The following IYD variants were observed in gnomAD, a reference collection of about 807,000 sequenced individuals.
IYD encodes iodotyrosine deiodinase 1.
IYD carries 25 observed loss-of-function variants against 28.4 expected under a neutral mutation model. The observed-to-expected ratio is 0.88, with a 90% CI of 0.64 to 1.23. The LOEUF (loss-of-function observed/expected upper bound fraction) is 1.23. Ranked by LOEUF, IYD falls within the 50% of genes most tolerant of loss-of-function variation. The pLI, the probability that IYD is intolerant of heterozygous loss-of-function variation, is 0.00. For synonymous variants in IYD, 140 were observed against 130.8 expected, an observed-to-expected ratio of 1.07 and a Z score of -0.48; for missense variants, 352 against 357.9, an observed-to-expected ratio of 0.98 and a Z score of 0.13.
At position 150,399,790 on chromosome 6, in the gene IYD, G is replaced by T. The variant is rs1256258019; in HGVS notation, c.*1553G>T. The T allele has an allele frequency of 6.6e-6, 1 of 152,164 alleles. No homozygotes were observed. Among genetic ancestry groups the T allele is most frequent in the Non-Finnish European group, 1.5e-5 (1 of 68,072 alleles). 9.4% of individuals were successfully genotyped at this position (152,164 alleles called of 1,614,324 possible). On this transcript the variant is annotated 3_prime_UTR_variant, in exon 5 of 5. Coordinates refer to ENST00000344419, the MANE Select transcript of IYD (RefSeq NM_203395.3). Reference sequence around the variant, plus strand: ...GACTTCTTATTGTGTCCTCGTGGTAGAAAGAGGGTTAGAGCCTCTGGCATG... The same window carrying T: ...GACTTCTTATTGTGTCCTCGTGGTATAAAGAGGGTTAGAGCCTCTGGCATG...
rs370025417 is a variant in IYD, at chr6:150,395,530, G to A, written c.687+1275G>A. The stretch of plus-strand genomic sequence containing the variant: ...GATTGAGGGTCCTGGAAGAAGCAGC[G>A]AAGCCTGCAGCAAGCTCAGCTCACA... On this transcript the variant is annotated intron_variant, in intron 4 of 4. Transcript: ENST00000344419. 107 of 1,537,318 alleles carry A rather than the reference G, an allele frequency of 7.0e-5. No individual in the cohort carries two copies. The African/African-American group carries it at 1.3e-3, about 18-fold the overall frequency.
At position 150,369,225 on chromosome 6, in the gene IYD, A is replaced by T; in HGVS notation, c.178+16A>T. On this transcript the variant is annotated intron_variant, in intron 1 of 4. Transcript: ENST00000344419. ...GCAGAAGAAGGTAAAGACACCAGCT[A>T]TGCTGCTTAGCTTCGCTGTCGTGTT... is the stretch of plus-strand genomic sequence containing the variant. 1.3e-5 allele frequency: 21 copies of T among 1,609,926 alleles called. No homozygotes were observed. The highest frequency in any genetic ancestry group is 1.4e-5 in the Non-Finnish European group (16 of 1,179,196).
chr6:150,373,413 C>T (rs1316049320), intron 1 of IYD, among the ~76,000 whole-genome samples: 1 of 152,164 alleles, frequency 6.6e-6, no homozygotes, highest in African/African-American at 2.4e-5. Flanking sequence ...GGGGTGCACT[C>T]ACTCCAGGGC....
intron 4 of IYD, among the ~76,000 whole-genome samples, chr6:150,394,959 C>T (rs997431180): frequency 1.3e-5 from 2 of 152,186 alleles, no homozygotes; most frequent in African/African-American, 4.8e-5. Context: ...TCCTGAATAG[C>T]TGGGACTATA....
chr6:150,373,246 A>G (rs1046198994), intron 1 of IYD, among the ~76,000 whole-genome samples: 1 of 152,234 alleles, frequency 6.6e-6, no homozygotes, highest in African/African-American at 2.4e-5. Context: ...ATGTTCCTAC[A>G]AACTTGAGAA....
Position 150,398,259 on chromosome 6 carries a change from G to T in IYD, c.*22G>T. The T allele has an allele frequency of 1.2e-6, 2 of 1,612,474 alleles. No homozygotes were observed. Among genetic ancestry groups the T allele is most frequent in the South Asian group, 1.1e-5 (1 of 91,038 alleles). On this transcript the variant is annotated 3_prime_UTR_variant, in exon 5 of 5. Transcript: ENST00000344419. ...GTAGGCAGGGCCCCCCAAGGGAGTG[G>T]CAGGGAGATGGCGCCCCTGCTTTTC...
chr6:150,379,570 ATTTGC>A (rs1181361381), intron 1 of IYD, among the ~76,000 whole-genome samples: 1 of 152,216 alleles, frequency 6.6e-6, no homozygotes, highest in East Asian at 1.9e-4. Flanking sequence ...GCATACATAC[ATTTGC>A]TGCTTTGTTT....
chr6:150,395,846 C>A, intron 4 of IYD: 1 of 594,100 alleles, frequency 1.7e-6, no homozygotes, highest in East Asian at 2.8e-5. Flanking sequence ...CTACTCATTG[C>A]TTTTACTTAG....
intron 3 of IYD, among the ~76,000 whole-genome samples, chr6:150,393,170 T>TAGTTAAA (rs1778187741): frequency 1.3e-5 from 2 of 152,222 alleles, no homozygotes. Context: ...ATTTTCACCC[T>TAGTTAAA]TGCAATAACC....
In IYD at chr6:150,398,508, A is replaced by C. The variant is rs1778410435; in HGVS notation, c.*271A>C. ...TTACATTTTAAAAGTTATTCTAGAC[A>C]ATCACTATTGGCTTTTTTCTTTTAT... On this transcript the variant is annotated 3_prime_UTR_variant, in exon 5 of 5. Coordinates refer to ENST00000344419, the MANE Select transcript of IYD (RefSeq NM_203395.3). 2 of 427,310 alleles carry C rather than the reference A, an allele frequency of 4.7e-6. No individual in the cohort carries two copies. Among genetic ancestry groups the C allele is most frequent in the Non-Finnish European group, 8.4e-6 (2 of 239,046 alleles). The allele number at this position is 427,310 out of a possible 1,614,324, so 26.5% of individuals were successfully genotyped here.
In IYD at chr6:150,398,422, A is replaced by G. The variant is rs949906539; in HGVS notation, c.*185A>G. ...CTCTGTGGCACTTCCAGTCCCATAA[A>G]TCCTGTTTCTTATCCACTTTGGAAA... On this transcript the variant is annotated 3_prime_UTR_variant, in exon 5 of 5. Transcript: ENST00000344419. 3.8e-5 allele frequency: 23 copies of G among 601,328 alleles called. No homozygotes were observed. The African/African-American group carries it at 4.3e-4, about 11-fold the overall frequency. 37.2% of individuals were successfully genotyped at this position (601,328 alleles called of 1,614,324 possible).
At position 150,404,748 on chromosome 6, in the gene IYD, A is replaced by G. The variant is rs1279972951; in HGVS notation, c.*6511A>G. On this transcript the variant is annotated 3_prime_UTR_variant, in exon 5 of 5. Coordinates refer to ENST00000344419, the MANE Select transcript of IYD (RefSeq NM_203395.3). Reference sequence around the variant, plus strand: ...GTTTACTAGTTTTATAAATAGGATAATAAAATGTGTGTATGAGGTCAGAAT... The same window carrying G: ...GTTTACTAGTTTTATAAATAGGATAGTAAAATGTGTGTATGAGGTCAGAAT... 1 of 152,224 alleles carries G rather than the reference A, an allele frequency of 6.6e-6. No individual in the cohort carries two copies. Among genetic ancestry groups the G allele is most frequent in the African/African-American group, 2.4e-5 (1 of 41,458 alleles). 9.4% of individuals were successfully genotyped at this position (152,224 alleles called of 1,614,324 possible). A position where few individuals can be genotyped will look rare whatever the true frequency, so the allele number is the denominator to read the frequency against.
At chr6:150,393,447 G>C (rs904566535) in intron 3 of IYD, among the ~76,000 whole-genome samples, 1 of 152,172 alleles carries the variant, frequency 6.6e-6, no homozygotes, top group Non-Finnish European at 1.5e-5. Flanking sequence ...AGTGAGTTTC[G>C]TGTGCTTTGG....
At position 150,392,403 on chromosome 6, in the gene IYD, A is replaced by G; in HGVS notation, c.429A>G (p.Pro143=). 1.2e-6 allele frequency: 2 copies of G among 1,613,930 alleles called. No individual in the cohort carries two copies. The highest frequency in any genetic ancestry group is 2.2e-5 in the South Asian group (2 of 91,068). ...EPWTFVVVKD[P]DVKHKIRKII... ...GGACCTTCGTGGTTGTGAAGGACCC[A>G]GACGTGAAGCACAAGATTCGAAAGA... Residue 143 remains proline, a synonymous_variant, in exon 3 of 5, where the codon CCA becomes CCG. Coordinates refer to ENST00000344419, the MANE Select transcript of IYD (RefSeq NM_203395.3).
chr6:150,390,054 A>T (rs1370867399), intron 2 of IYD, among the ~76,000 whole-genome samples: 5 of 152,220 alleles, frequency 3.3e-5, no homozygotes, highest in African/African-American at 1.2e-4. Context: ...CCCATTTTTA[A>T]TGTAAATTAA....
chr6:150,384,184 C>T (rs1777774148), intron 1 of IYD: 1 of 152,148 alleles, frequency 6.6e-6, no homozygotes, highest in Non-Finnish European at 1.5e-5. Flanking sequence ...ATGATCTGTT[C>T]TTATCTAAGT....
In IYD at chr6:150,402,613, C is replaced by T. The variant is rs917556538; in HGVS notation, c.*4376C>T. 5 of 152,170 alleles carry T rather than the reference C, an allele frequency of 3.3e-5. No individual in the cohort carries two copies. The highest frequency in any genetic ancestry group is 6.5e-5 in the Admixed American group (1 of 15,280). 9.4% of individuals were successfully genotyped at this position (152,170 alleles called of 1,614,324 possible). ...AGATTTTCTTCTGAAACGCTAAGAT[C>T]GGTTGATATTTGTCTAATACAGCTT... On this transcript the variant is annotated 3_prime_UTR_variant, in exon 5 of 5. Transcript: ENST00000344419.
chr6:150,378,005 T>C (rs1777511319), intron 1 of IYD, among the ~76,000 whole-genome samples: 1 of 152,092 alleles, frequency 6.6e-6, no homozygotes, highest in African/African-American at 2.4e-5. Flanking sequence ...GCTAGAGAAA[T>C]ATAAAAGGAA....
At chr6:150,373,507 C>G (rs1197030306) in intron 1 of IYD, among the ~76,000 whole-genome samples, 1 of 152,220 alleles carries the variant, frequency 6.6e-6, no homozygotes, top group Non-Finnish European at 1.5e-5. Context: ...GAAAGTCCAC[C>G]AGTGCCTGAA....
Sources: allele counts gnomAD v4.1 joint callset (sites outside exome capture counted in the v4.1 genomes callset), GRCh38; gene constraint gnomAD v4.1.1; transcripts MANE v1.5; gene names NCBI Gene and HGNC (gene_info 2026-07-23, HGNC 2026-07-21).